LRPPRC: variants seen among roughly 807,000 people sequenced by gnomAD.
The protein encoded by LRPPRC is leucine-rich PPR motif-containing protein, mitochondrial.
LRPPRC carries 120 observed loss-of-function variants against 180.3 expected under a neutral mutation model. The observed-to-expected ratio is 0.67, with a 90% CI of 0.57 to 0.77. LRPPRC has a LOEUF of 0.77. Among genes scored for constraint, LRPPRC ranks in the 30% least tolerant of loss-of-function variants. The probability of loss-of-function intolerance (pLI) is 0.00; values close to 1 mark genes in which losing one functional copy is unlikely to be tolerated. For missense variants in LRPPRC, 2,012 were observed against 1,657.2 expected (o/e 1.21, Z -3.72); for synonymous variants, 723 against 600.0 (o/e 1.21, Z -3.00).
At chr2:43,960,270 G>A (rs1390773451) in intron 13 of LRPPRC, among the ~76,000 whole-genome samples, 2 of 152,066 alleles carry the variant, frequency 1.3e-5, no homozygotes, top group African/African-American at 2.4e-5. Context: ...TCACATAATC[G>A]GTGGCCAAAT....
chr2:43,886,714 G>A lies in LRPPRC; in HGVS notation c.*1886C>T, dbSNP rs1182623045. ...CCCAAAAAGATGACTGCGAAATCCA[G>A]ATTACACCCCAACGTTATGCCTCAC... On this transcript the variant is annotated 3_prime_UTR_variant, in exon 38 of 38. Coordinates refer to ENST00000260665, the MANE Select transcript of LRPPRC (RefSeq NM_133259.4). The A allele has an allele frequency of 6.6e-6, 1 of 152,154 alleles. No individual in the cohort carries two copies. Among genetic ancestry groups the A allele is most frequent in the Non-Finnish European group, 1.5e-5 (1 of 68,048 alleles). 9.4% of individuals were successfully genotyped at this position (152,154 alleles called of 1,614,324 possible). A position where few individuals can be genotyped will look rare whatever the true frequency, so the allele number is the denominator to read the frequency against.
In LRPPRC at chr2:43,973,915, T is replaced by C. The variant is rs759100727; in HGVS notation, c.1156-15A>G. 2.0e-5 allele frequency: 30 copies of C among 1,475,188 alleles called. No individual in the cohort carries two copies. The highest frequency in any genetic ancestry group is 2.5e-5 in the Non-Finnish European group (26 of 1,053,878). 91.4% of individuals were successfully genotyped at this position (1,475,188 alleles called of 1,614,324 possible). On this transcript the variant is annotated splice_polypyrimidine_tract_variant and intron_variant, in intron 9 of 37. Coordinates refer to ENST00000260665, the MANE Select transcript of LRPPRC (RefSeq NM_133259.4). ...TTCTCCACAGGCTGTGGGAAAAAAG[T>C]CACCACATTAGCTGGATTGGCAAAC...
chr2:43,963,544 G>C lies in LRPPRC; in HGVS notation c.1488+44C>G, dbSNP rs752767011. 4 of 1,149,342 alleles carry C rather than the reference G, an allele frequency of 3.5e-6. No homozygotes were observed. In the South Asian group the frequency reaches 4.9e-5, roughly 14 times the overall value. 71.2% of individuals were successfully genotyped at this position (1,149,342 alleles called of 1,614,324 possible). ...TCAACACTAAACATTAAGGAGGAAA[G>C]ATATCCTCTTCAATTATTAAATTAA... On this transcript the variant is annotated intron_variant, in intron 12 of 37. Transcript: ENST00000260665.
intron 12 of LRPPRC, among the ~76,000 whole-genome samples, chr2:43,961,031 T>C (rs1021315146): frequency 2.0e-5 from 3 of 152,202 alleles, no homozygotes; most frequent in South Asian, 4.1e-4. Context: ...ACATCATTTG[T>C]TTAACAATTT....
intron 7 of LRPPRC, 152 bp downstream of exon 7, chr2:43,974,939 T>C (rs1673985417): frequency 1.4e-5 from 13 of 926,414 alleles, no homozygotes; most frequent in Non-Finnish European, 2.0e-5. Context: ...AGCACCGAGA[T>C]ACTAAACTAT....
chr2:43,970,827 T>C (rs752500163), intron 11 of LRPPRC, among the ~76,000 whole-genome samples: 2 of 152,028 alleles, frequency 1.3e-5, no homozygotes, highest in Non-Finnish European at 2.9e-5. Flanking sequence ...CCGCCAAGAG[T>C]GGTGGCTCAC....
intron 6 of LRPPRC, 119 bp downstream of exon 6, chr2:43,976,024 G>C: frequency 3.0e-6 from 2 of 662,894 alleles, no homozygotes; most frequent in Non-Finnish European, 2.7e-6. Flanking sequence ...TTTAAGAACT[G>C]TCTACAATAA....
chr2:43,945,848 C>T (rs1672661752), intron 21 of LRPPRC, among the ~76,000 whole-genome samples: 1 of 152,074 alleles, frequency 6.6e-6, no homozygotes, highest in Non-Finnish European at 1.5e-5. Context: ...ACCATCACCA[C>T]TGTTGTGATG....
At chr2:43,917,890 G>A (rs1489076062) in intron 29 of LRPPRC, 135 bp downstream of exon 29, 2 of 648,634 alleles carry the variant, frequency 3.1e-6, no homozygotes, top group African/African-American at 1.8e-5. Flanking sequence ...AAGTATGGAA[G>A]GGGACAAGAA....
chr2:43,966,064 T>C (rs1673542566), intron 11 of LRPPRC, among the ~76,000 whole-genome samples: 2 of 152,220 alleles, frequency 1.3e-5, no homozygotes, highest in Admixed American at 1.3e-4. Context: ...AGAAACATGC[T>C]GTCAACAGAT....
chr2:43,960,741 T>C, intron 12 of LRPPRC, 107 bp from the exon 13 acceptor site: 2 of 743,684 alleles, frequency 2.7e-6, no homozygotes, highest in Non-Finnish European at 2.4e-6. Flanking sequence ...TCTCTGATTT[T>C]CTAGAAAAAT....
At chr2:43,959,242 A>T (rs1003179004) in intron 13 of LRPPRC, 3 of 713,894 alleles carry the variant, frequency 4.2e-6, no homozygotes, top group Non-Finnish European at 7.8e-6. Flanking sequence ...ACAGAGTGGA[A>T]GGCAAAATCA....
At chr2:43,952,197 A>G (rs1351971522) in intron 14 of LRPPRC, among the ~76,000 whole-genome samples, 1 of 152,116 alleles carries the variant, frequency 6.6e-6, no homozygotes, top group Non-Finnish European at 1.5e-5. Context: ...CCGTCTCAAA[A>G]GAAAAAAAAA....
At chr2:43,949,259 C>A (rs180853149) in intron 16 of LRPPRC, among the ~76,000 whole-genome samples, 1 of 152,212 alleles carries the variant, frequency 6.6e-6, no homozygotes, top group East Asian at 1.9e-4. Flanking sequence ...AGAACCTTCG[C>A]TACATTTTAT....
At chr2:43,932,012 C>G (rs1407136070) in intron 25 of LRPPRC, among the ~76,000 whole-genome samples, 1 of 147,916 alleles carries the variant, frequency 6.8e-6, no homozygotes, top group Non-Finnish European at 1.5e-5. Flanking sequence ...GTAGAAAGGA[C>G]TTTTTTCAGA....
At chr2:43,893,810 G>A (rs186315375) in intron 36 of LRPPRC, among the ~76,000 whole-genome samples, 154 of 152,200 alleles carry the variant, frequency 1.0e-3, no homozygotes, top group African/African-American at 3.4e-3. Context: ...TGTAAGGACG[G>A]AAAAAGAGAA....
intron 11 of LRPPRC, among the ~76,000 whole-genome samples, chr2:43,970,033 C>T (rs1673735251): frequency 6.6e-6 from 1 of 151,950 alleles, no homozygotes. Context: ...TATCAAAATA[C>T]TGTAATAATA....
At chr2:43,963,381 T>G in intron 12 of LRPPRC, 1 of 617,068 alleles carries the variant, frequency 1.6e-6, no homozygotes, top group Non-Finnish European at 2.9e-6. Context: ...GAGGCAAAGG[T>G]TGCAGTGAGC....
At chr2:43,908,302 TAC>T (rs1053458672) in intron 30 of LRPPRC, among the ~76,000 whole-genome samples, 1 of 152,178 alleles carries the variant, frequency 6.6e-6, no homozygotes, top group Non-Finnish European at 1.5e-5. Context: ...AAGAATTCAC[TAC>T]AGATAAATTA....
Sources: gnomAD v4.1 joint callset for allele counts (sites outside exome capture counted in the v4.1 genomes callset) on GRCh38, gnomAD v4.1.1 for gene constraint, MANE v1.5 for transcripts, NCBI Gene and HGNC (gene_info 2026-07-23, HGNC 2026-07-21) for gene names.